PCDHGA8: variants seen among roughly 807,000 people sequenced by gnomAD.
The protein encoded by PCDHGA8 is protocadherin gamma-A8.
In PCDHGA8, 45 loss-of-function variants were observed where a neutral mutation model predicts 59.2. The observed-to-expected ratio is 0.76, with a 90% CI of 0.60 to 0.98. The LOEUF is 0.98. Ranked by LOEUF, PCDHGA8 falls within the 50% of genes least tolerant of loss-of-function variation. The pLI is 0.00. For synonymous variants in PCDHGA8, 531 were observed against 519.0 expected (o/e 1.02, Z -0.32); for missense variants, 1,257 against 1,196.2 (o/e 1.05, Z -0.75).
intron 1 of PCDHGA8, among the ~76,000 whole-genome samples, chr5:141,474,312 T>G (rs1358237994): frequency 6.6e-6 from 1 of 152,228 alleles, no homozygotes; most frequent in African/African-American, 2.4e-5. Flanking sequence ...AACTTTAATG[T>G]GTTTTCAAAT....
chr5:141,399,431 T>C (rs757950073), intron 1 of PCDHGA8: 1 of 1,613,970 alleles, frequency 6.2e-7, no homozygotes, highest in Non-Finnish European at 8.5e-7. Flanking sequence ...ATAAGCGTCA[T>C]CCTACATATC....
intron 1 of PCDHGA8, among the ~76,000 whole-genome samples, chr5:141,479,935 A>C (rs1226362422): frequency 1.3e-5 from 2 of 152,232 alleles, no homozygotes. Context: ...CATCATTGCT[A>C]TCAACTCTTG....
intron 1 of PCDHGA8, among the ~76,000 whole-genome samples, chr5:141,456,187 A>G (rs989106132): frequency 3.9e-5 from 6 of 152,084 alleles, no homozygotes; most frequent in African/African-American, 1.4e-4. Flanking sequence ...TAATTTCTTA[A>G]TAACTCCTAC....
At chr5:141,443,050 T>C (rs1290373918) in intron 1 of PCDHGA8, among the ~76,000 whole-genome samples, 1 of 152,236 alleles carries the variant, frequency 6.6e-6, no homozygotes, top group Non-Finnish European at 1.5e-5. Flanking sequence ...AAAATTATTG[T>C]TCCACTGAAG....
intron 1 of PCDHGA8, chr5:141,419,541 G>A: frequency 6.2e-7 from 1 of 1,612,076 alleles, no homozygotes; most frequent in Non-Finnish European, 8.5e-7. Context: ...AACGCACCGC[G>A]GGTGCTGTAC....
chr5:141,482,917 C>CA (rs761402624), intron 1 of PCDHGA8, among the ~76,000 whole-genome samples: 5 of 152,042 alleles, frequency 3.3e-5, no homozygotes, highest in Non-Finnish European at 7.4e-5. Context: ...ATTAAAAATA[C>CA]AAAAAATTAG....
intron 1 of PCDHGA8, chr5:141,409,623 T>G: frequency 6.2e-7 from 1 of 1,613,854 alleles, no homozygotes; most frequent in Non-Finnish European, 8.5e-7. Context: ...ATTGCGCAAG[T>G]GAGCGCCTCT....
intron 1 of PCDHGA8, chr5:141,478,484 C>A (rs376021397): frequency 1.2e-5 from 20 of 1,613,340 alleles, no homozygotes; most frequent in Non-Finnish European, 1.4e-5. Context: ...GAACACGCTG[C>A]GGAGCTGTGA....
In PCDHGA8 at chr5:141,511,358, G is replaced by GT; in HGVS notation, c.*187dup. 1 of 1,355,398 alleles carries GT rather than the reference G, an allele frequency of 7.4e-7. No homozygotes were observed. Among genetic ancestry groups the GT allele is most frequent in the South Asian group, 1.5e-5 (1 of 66,198 alleles). 84.0% of individuals were successfully genotyped at this position (1,355,398 alleles called of 1,614,324 possible). On this transcript the variant is annotated 3_prime_UTR_variant, in exon 4 of 4. Transcript: ENST00000398604. ...GCACCTACCCCTTCCCCCCCAGGGG[G>GT]TTGAATATGCAAAAGCAGTTCCGCT...
Position 141,485,602 on chromosome 5 carries a change from G to A in PCDHGA8, c.2425-9205G>A, listed in dbSNP as rs766134158. On this transcript the variant is annotated intron_variant, in intron 1 of 3. Transcript: ENST00000398604. The surrounding 1 kb of genome is among the most constrained non-coding windows in gnomAD (Gnocchi z 5.7). ...GGCAGCAGCTGGACTTGGAAATTGG[G>A]GAGGCAGCTCCTCCAGGACAGCGTT... is the stretch of plus-strand genomic sequence containing the variant. 2.5e-6 allele frequency: 4 copies of A among 1,612,418 alleles called. No individual in the cohort carries two copies. In the Admixed American group the frequency reaches 5.0e-5, roughly 20 times the overall value.
At position 141,394,884 on chromosome 5, in the gene PCDHGA8, C is replaced by G. The variant is rs2093119839; in HGVS notation, c.2071C>G (p.Leu691Val). The G allele has an allele frequency of 1.2e-6, 2 of 1,613,784 alleles. 1 individual carries two copies. Among genetic ancestry groups the G allele is most frequent in the Admixed American group, 3.3e-5 (2 of 60,002 alleles). Residue 691 changes from leucine to valine, a missense_variant, in exon 1 of 4, where the codon CTC becomes GTC. By Grantham distance (32) the Leu-to-Val change is conservative (BLOSUM62 1). Coordinates refer to ENST00000398604, the MANE Select transcript of PCDHGA8 (RefSeq NM_032088.2). ...CGACCCGAACGATTCGAGCCTTACACTCTATCTCGTGGTGGCAGTGGCTGC... is the reference window on the plus strand; with the variant it reads ...CGACCCGAACGATTCGAGCCTTACAGTCTATCTCGTGGTGGCAGTGGCTGC... ...SVDPNDSSLT[L>V]YLVVAVAAIS... is the part of the protein sequence containing the mutation.
chr5:141,395,391 A>G, intron 1 of PCDHGA8, 154 bp downstream of exon 1: 2 of 944,730 alleles, frequency 2.1e-6, no homozygotes, highest in Non-Finnish European at 3.1e-6. Flanking sequence ...ATAAAATTGA[A>G]CTCTAATAGT....
At position 141,486,761 on chromosome 5, in the gene PCDHGA8, A is replaced by G. The variant is rs1368106682; in HGVS notation, c.2425-8046A>G. 1 of 1,614,114 alleles carries G rather than the reference A, an allele frequency of 6.2e-7. No homozygotes were observed. The highest frequency in any genetic ancestry group is 8.5e-7 in the Non-Finnish European group (1 of 1,180,056). ...ATCCTTTGACTATGAGCAAACCCAG[A>G]CACTGCAGTTTGAGGTGCAGGCCCG... On this transcript the variant is annotated intron_variant, in intron 1 of 3. Transcript: ENST00000398604. The surrounding 1 kb of genome is among the most constrained non-coding windows in gnomAD (Gnocchi z 5.0).
rs2092623669 is a variant in PCDHGA8 at position 141,392,892 on chromosome 5, G to A, written c.79G>A (p.Gly27Arg). 1 of 1,613,702 alleles carries A rather than the reference G, an allele frequency of 6.2e-7. No individual in the cohort carries two copies. The highest frequency in any genetic ancestry group is 8.5e-7 in the Non-Finnish European group (1 of 1,179,860). Residue 27 changes from glycine to arginine, a missense_variant, in exon 1 of 4, where the codon GGG (glycine) becomes AGG (arginine). Transcript: ENST00000398604. ...GCTGCTGGGAACGCTGTGGGAAATCGGGAGGGGACAGATTCGCTACTCTGT... is the reference window on the plus strand; with the variant it reads ...GCTGCTGGGAACGCTGTGGGAAATCAGGAGGGGACAGATTCGCTACTCTGT... Reference protein sequence around the residue: ...CALLGTLWEIGRGQIRYSVPE... With the variant: ...CALLGTLWEIRRGQIRYSVPE...
rs961891623 is a variant in PCDHGA8 at position 141,487,938 on chromosome 5, GC to G, written c.2425-6868del. The G allele has an allele frequency of 2.8e-5, 17 of 600,188 alleles. No homozygotes were observed. The highest frequency in any genetic ancestry group is 4.7e-5 in the Non-Finnish European group (16 of 342,978). 37.2% of individuals were successfully genotyped at this position (600,188 alleles called of 1,614,324 possible). ...GAGGCTACAGTGCACAGGGTACAGTGCACCAGGCAGTCACTTGGACAAAGGT... is the reference window on the plus strand; with the variant it reads ...GAGGCTACAGTGCACAGGGTACAGTGACCAGGCAGTCACTTGGACAAAGGT... On this transcript the variant is annotated intron_variant, in intron 1 of 3. Coordinates refer to ENST00000398604, the MANE Select transcript of PCDHGA8 (RefSeq NM_032088.2). The surrounding 1 kb of genome is among the most constrained non-coding windows in gnomAD (Gnocchi z 5.0).
At chr5:141,470,132 A>G (rs1411735203) in intron 1 of PCDHGA8, among the ~76,000 whole-genome samples, 1 of 151,586 alleles carries the variant, frequency 6.6e-6, no homozygotes, top group East Asian at 1.9e-4. Context: ...TCGTCTCAAA[A>G]AAAAAGATCA....
At chr5:141,442,403 G>A (rs1042068651) in intron 1 of PCDHGA8, 2 of 152,168 alleles carry the variant, frequency 1.3e-5, no homozygotes, top group African/African-American at 4.8e-5. Context: ...TACGAATCCA[G>A]GGCTGAGTGA....
chr5:141,431,447 G>C lies in PCDHGA8; in HGVS notation c.2424+36210G>C. ...GCGCACAGGCACCGCGCGCATCCGC[G>C]TGATGGTTCTGGATGCGAACGACAA... is the stretch of plus-strand genomic sequence containing the variant. On this transcript the variant is annotated intron_variant, in intron 1 of 3. Coordinates refer to ENST00000398604, the MANE Select transcript of PCDHGA8 (RefSeq NM_032088.2). The surrounding 1 kb of genome is among the most constrained non-coding windows in gnomAD (Gnocchi z 4.8). The C allele has an allele frequency of 6.2e-7, 1 of 1,613,792 alleles. No individual in the cohort carries two copies. Among genetic ancestry groups the C allele is most frequent in the Non-Finnish European group, 8.5e-7 (1 of 1,180,014 alleles).
At chr5:141,507,084 T>G (rs2099858284) in intron 3 of PCDHGA8, 1 of 152,142 alleles carries the variant, frequency 6.6e-6, no homozygotes, top group African/African-American at 2.4e-5. Flanking sequence ...ACTCCTAAGT[T>G]TATGCTCTTT....
Sources: allele counts gnomAD v4.1 joint callset (sites outside exome capture counted in the v4.1 genomes callset), GRCh38; gene constraint gnomAD v4.1.1; non-coding constraint Gnocchi (gnomAD v3.1); transcripts MANE v1.5; gene names NCBI Gene and HGNC (gene_info 2026-07-23, HGNC 2026-07-21).